The following CREG1 variants were observed in gnomAD, a reference collection of about 807,000 sequenced individuals.
CREG1 encodes cellular repressor of E1A stimulated genes 1, also known as protein CREG1.
A neutral mutation model predicts 19.9 loss-of-function variants in CREG1; 20 were observed. The observed-to-expected ratio is 1.01, with a 90% CI of 0.71 to 1.46. The LOEUF (loss-of-function observed/expected upper bound fraction) is 1.46, where lower values mean the gene tolerates loss of function less well. CREG1 is among the 40% of genes most tolerant of loss of function. The pLI is 0.00. For synonymous variants in CREG1, 141 were observed against 143.3 expected (o/e 0.98, Z 0.12); for missense variants, 290 against 314.9 (o/e 0.92, Z 0.60).
intron 1 of CREG1, among the ~76,000 whole-genome samples, chr1:167,552,048 A>G (rs1458549188): frequency 6.6e-6 from 1 of 152,228 alleles, no homozygotes; most frequent in Middle Eastern, 3.2e-3. Context: ...TAAAAACAAA[A>G]CAGAACTTTG....
At chr1:167,549,983 T>C (rs1656397333) in intron 1 of CREG1, among the ~76,000 whole-genome samples, 1 of 151,792 alleles carries the variant, frequency 6.6e-6, no homozygotes, top group African/African-American at 2.4e-5. Context: ...CACCAAGCTG[T>C]CCTCTATCTG....
intron 2 of CREG1, among the ~76,000 whole-genome samples, chr1:167,546,641 C>CAA (rs1252904833): frequency 7.7e-4 from 108 of 139,556 alleles, no homozygotes; most frequent in African/African-American, 2.7e-3. Flanking sequence ...GACTCCATCT[C>CAA]AAAAAAAAAA....
chr1:167,549,272 C>T (rs1354090707), intron 1 of CREG1, among the ~76,000 whole-genome samples: 1 of 152,138 alleles, frequency 6.6e-6, no homozygotes, highest in African/African-American at 2.4e-5. Flanking sequence ...ATTTGTGGGC[C>T]AACCTTAGGC....
chr1:167,547,493 G>C lies in CREG1; in HGVS notation c.474+509C>G, dbSNP rs1293343438. Among the ~76,000 whole-genome samples the C allele has an allele frequency of 2.0e-5, 3 of 152,208 alleles. No individual in the cohort carries two copies. The East Asian group carries it at 5.8e-4, about 29-fold the overall frequency. ...TGGCTTCAGAAAATCATTCATTTTTGTCATATCTTATTTAACACCTATATG... is the reference window on the plus strand; with the variant it reads ...TGGCTTCAGAAAATCATTCATTTTTCTCATATCTTATTTAACACCTATATG... On this transcript the variant is annotated intron_variant, in intron 2 of 3. Transcript: ENST00000370509.
intron 1 of CREG1, among the ~76,000 whole-genome samples, chr1:167,552,916 A>G (rs1336233157): frequency 6.6e-6 from 1 of 152,018 alleles, no homozygotes; most frequent in Non-Finnish European, 1.5e-5. Context: ...GTGTGGTGGC[A>G]CGCACCTGTA....
intron 2 of CREG1, among the ~76,000 whole-genome samples, chr1:167,546,590 C>A (rs1256129827): frequency 1.3e-5 from 2 of 151,762 alleles, no homozygotes; most frequent in African/African-American, 4.8e-5. Context: ...TGCGGTGAGC[C>A]GAGATCGTGC....
chr1:167,542,996 C>T (rs1656251700), intron 3 of CREG1, among the ~76,000 whole-genome samples: 1 of 152,058 alleles, frequency 6.6e-6, no homozygotes, highest in African/African-American at 2.4e-5. Context: ...ACCTATAATC[C>T]CAGCATTTTG....
intron 3 of CREG1, 123 bp from the exon 4 acceptor site, chr1:167,542,424 C>G: frequency 2.1e-6 from 2 of 935,318 alleles, no homozygotes; most frequent in East Asian, 2.7e-5. Flanking sequence ...CAGTTCATTT[C>G]AACCACTAGA....
chr1:167,545,774 C>G (rs1177604514), intron 3 of CREG1, among the ~76,000 whole-genome samples: 1 of 151,378 alleles, frequency 6.6e-6, no homozygotes, highest in African/African-American at 2.4e-5. Context: ...CCACTGCACT[C>G]AGCCTGGGTG....
At chr1:167,546,985 G>C (rs898889574) in intron 2 of CREG1, among the ~76,000 whole-genome samples, 4 of 152,240 alleles carry the variant, frequency 2.6e-5, no homozygotes, top group African/African-American at 9.6e-5. Context: ...GGATAAAAAT[G>C]TTTAGAAACC....
intron 1 of CREG1, among the ~76,000 whole-genome samples, chr1:167,551,842 G>A (rs1409319069): frequency 6.6e-6 from 1 of 152,182 alleles, no homozygotes; most frequent in Non-Finnish European, 1.5e-5. Context: ...CTAAAGGTGT[G>A]GAATGGGCTG....
intron 1 of CREG1, 129 bp from the exon 2 acceptor site, chr1:167,548,250 A>G (rs1368516380): frequency 4.8e-6 from 3 of 625,720 alleles, no homozygotes; most frequent in Non-Finnish European, 2.7e-6. Flanking sequence ...ATCATAAAAC[A>G]TCACCTTCCA....
At chr1:167,546,567 G>A (rs956868227) in intron 2 of CREG1, among the ~76,000 whole-genome samples, 4 of 152,096 alleles carry the variant, frequency 2.6e-5, no homozygotes, top group Admixed American at 1.3e-4. Flanking sequence ...GCATGAACCC[G>A]GGAGGCGGAG....
At chr1:167,547,715 G>A (rs1656353872) in intron 2 of CREG1, among the ~76,000 whole-genome samples, 1 of 152,142 alleles carries the variant, frequency 6.6e-6, no homozygotes, top group African/African-American at 2.4e-5. Flanking sequence ...GAGGTCAGGA[G>A]TTCAAGACCA....
intron 3 of CREG1, among the ~76,000 whole-genome samples, chr1:167,542,842 G>A (rs1425818142): frequency 6.6e-6 from 1 of 152,180 alleles, no homozygotes; most frequent in African/African-American, 2.4e-5. Context: ...TGTTACCTGT[G>A]TGTTTGCTAG....
intron 1 of CREG1, among the ~76,000 whole-genome samples, chr1:167,552,163 G>T (rs1656432584): frequency 6.6e-6 from 1 of 152,174 alleles, no homozygotes; most frequent in Admixed American, 6.5e-5. Flanking sequence ...GGGTTTGCCC[G>T]CTGGCTTTAA....
intron 3 of CREG1, among the ~76,000 whole-genome samples, chr1:167,542,956 A>C (rs1293798390): frequency 2.6e-5 from 4 of 152,142 alleles, no homozygotes; most frequent in African/African-American, 9.7e-5. Flanking sequence ...GCTTATAAGA[A>C]CTGCTTGTTG....
chr1:167,552,334 T>C (rs34107354), intron 1 of CREG1, among the ~76,000 whole-genome samples: 27,629 of 152,254 alleles, frequency 0.18, 3,348 homozygotes, highest in East Asian at 0.49. Flanking sequence ...ATCAACAATG[T>C]TGTACTTTCA....
chr1:167,549,843 C>T (rs1030364964), intron 1 of CREG1, among the ~76,000 whole-genome samples: 1 of 152,058 alleles, frequency 6.6e-6, no homozygotes, highest in African/African-American at 2.4e-5. Flanking sequence ...CATCACCACA[C>T]CCGGCTAATA....
Sources: allele counts gnomAD v4.1 joint callset (sites outside exome capture counted in the v4.1 genomes callset), GRCh38; gene constraint gnomAD v4.1.1; transcripts MANE v1.5; gene names NCBI Gene and HGNC (gene_info 2026-07-23, HGNC 2026-07-21).